Variants in MUC12 observed in about 807,000 individuals in gnomAD.
MUC12 encodes the protein mucin-12.
A neutral mutation model predicts 230.8 loss-of-function variants in MUC12; 172 were observed. The observed-to-expected ratio is 0.75, with a 90% CI of 0.66 to 0.85. The LOEUF (loss-of-function observed/expected upper bound fraction) is 0.85. Ranked by LOEUF, MUC12 falls within the 40% of genes least tolerant of loss-of-function variation. The pLI, the probability that MUC12 is intolerant of heterozygous loss-of-function variation, is 0.00. For missense variants in MUC12, 3,506 were observed against 5,920.6 expected (o/e 0.59, Z 13.38); for synonymous variants, 1,259 against 2,401.9 (o/e 0.52, Z 13.91).
chr7:101,006,555 T>G lies in MUC12; in HGVS notation c.15041T>G (p.Leu5014Arg), dbSNP rs745836506. ...GYVGYQCLSP[L>R]ESFPVETPEK... ...GTTGGTTACCAGTGCTTGTCCCCTC[T>G]GGAATCCTTCCCTGTAGGTAATGAC... is the stretch of plus-strand genomic sequence containing the variant. The change falls in exon 3 of 12, where the codon CTG (leucine) becomes CGG (arginine). Residue 5014 changes from leucine to arginine, a missense_variant. Transcript: ENST00000536621. The G allele has an allele frequency of 6.5e-7, 1 of 1,536,836 alleles. No individual in the cohort carries two copies. The highest frequency in any genetic ancestry group is 1.2e-5 in the South Asian group (1 of 84,048).
At position 100,991,305 on chromosome 7, in the gene MUC12, G is replaced by A. The variant is rs375755133; in HGVS notation, c.742G>A (p.Ala248Thr). The stretch of plus-strand genomic sequence containing the variant: ...CACCACAACCTCAGGCCTCCTTGAA[G>A]CATCTACGCCCGTCCACAGCAGCAC... ...DNTTTSGLLEASTPVHSSTGS... is the reference protein window; with the variant it reads ...DNTTTSGLLETSTPVHSSTGS... The change falls in exon 2 of 12, where the codon GCA (alanine) becomes ACA (threonine). Residue 248 changes from alanine (A) to threonine (T), a missense_variant. Ala to Thr is a moderately conservative substitution (Grantham distance 58). Coordinates refer to ENST00000536621, the MANE Select transcript of MUC12 (RefSeq NM_001164462.2). 1.2e-5 allele frequency: 18 copies of A among 1,537,620 alleles called. No homozygotes were observed. Among genetic ancestry groups the A allele is most frequent in the Non-Finnish European group, 1.6e-5 (18 of 1,147,066 alleles).
chr7:101,004,851 G>A lies in MUC12; in HGVS notation c.14288G>A (p.Ser4763Asn). 6.5e-7 allele frequency: 1 copy of A among 1,537,192 alleles called. No homozygotes were observed. The highest frequency in any genetic ancestry group is 2.0e-5 in the Admixed American group (1 of 50,972). Residue 4763 changes from serine (S) to asparagine (N), a missense_variant, in exon 2 of 12, where the codon AGT (serine) becomes AAT (asparagine). Physicochemically the swap from Ser to Asn is conservative, Grantham distance 46. Transcript: ENST00000536621. ...SPASMTSSSISGEPTSLYSQA... is the reference protein window; with the variant it reads ...SPASMTSSSINGEPTSLYSQA... Reference sequence around the variant, plus strand: ...GCCAGCATGACAAGCTCCAGCATCAGTGGAGAACCCACCAGCTTGTATAGC... The same window carrying A: ...GCCAGCATGACAAGCTCCAGCATCAATGGAGAACCCACCAGCTTGTATAGC...
intron 1 of MUC12, chr7:100,981,289 A>G (rs955828868): frequency 4.1e-6 from 2 of 484,480 alleles, no homozygotes; most frequent in Non-Finnish European, 7.3e-6. Flanking sequence ...TCCTTTGGGG[A>G]CACCGTTGCC....
chr7:100,989,384 G>A (rs1793243990), intron 1 of MUC12, among the ~76,000 whole-genome samples: 1 of 152,138 alleles, frequency 6.6e-6, no homozygotes, highest in African/African-American at 2.4e-5. Flanking sequence ...TAGGATTATA[G>A]GCATGAGCCA....
intron 1 of MUC12, among the ~76,000 whole-genome samples, chr7:100,973,270 G>A (rs558795800): frequency 1.3e-3 from 39 of 31,058 alleles, no homozygotes; most frequent in Non-Finnish European, 2.1e-3. Context: ...GCTGGGGGAC[G>A]TGGAGATAGA....
At chr7:100,982,535 C>T (rs1401343767) in intron 1 of MUC12, among the ~76,000 whole-genome samples, 2 of 151,558 alleles carry the variant, frequency 1.3e-5, no homozygotes, top group Non-Finnish European at 2.9e-5. Context: ...TTCCTGGGCT[C>T]CAGTGATCCT....
rs552636040 is a variant in MUC12, at chr7:100,978,968, C to T, written c.67+9279C>T. Among the ~76,000 whole-genome samples, 25 of 152,240 alleles carry T rather than the reference C, an allele frequency of 1.6e-4. 1 individual carries two copies. In the East Asian group the frequency reaches 4.4e-3, roughly 27 times the overall value. ...GGGACTACAGATGTGCACCACCATGCCCAGCTAATTTTTAAATGTTTGTAC... is the reference window on the plus strand; with the variant it reads ...GGGACTACAGATGTGCACCACCATGTCCAGCTAATTTTTAAATGTTTGTAC... On this transcript the variant is annotated intron_variant, in intron 1 of 11. Coordinates refer to ENST00000536621, the MANE Select transcript of MUC12 (RefSeq NM_001164462.2).
At chr7:100,973,709 A>G (rs1054924971) in intron 1 of MUC12, among the ~76,000 whole-genome samples, 2 of 51,666 alleles carry the variant, frequency 3.9e-5, no homozygotes, top group Non-Finnish European at 8.3e-5. Flanking sequence ...AACCCAGTCA[A>G]TGGTATTTGC....
chr7:101,012,401 T>A lies in MUC12; in HGVS notation c.15357T>A (p.Ile5119=). The A allele has an allele frequency of 6.5e-7, 1 of 1,537,810 alleles. No homozygotes were observed. Among genetic ancestry groups the A allele is most frequent in the South Asian group, 1.2e-5 (1 of 84,058 alleles). The change falls in exon 6 of 12, where the codon ATT becomes ATA. Residue 5119 remains isoleucine, a synonymous_variant. Coordinates refer to ENST00000536621, the MANE Select transcript of MUC12 (RefSeq NM_001164462.2). The part of the protein sequence containing the change: ...ENLAEIVKAK[I]MNETRTTLLD... ...TGGCAGAGATTGTAAAGGCCAAGATTATGAATGAAACTAGAACAACTCTTC... is the reference window on the plus strand; with the variant it reads ...TGGCAGAGATTGTAAAGGCCAAGATAATGAATGAAACTAGAACAACTCTTC...
At position 100,995,424 on chromosome 7, in the gene MUC12, G is replaced by T. The variant is rs77884908; in HGVS notation, c.4861G>T (p.Gly1621Cys). Residue 1621 changes from glycine (G) to cysteine (C), a missense_variant, in exon 2 of 12, where the codon GGC becomes TGC. Gly to Cys is a radical substitution (Grantham distance 159). Coordinates refer to ENST00000536621, the MANE Select transcript of MUC12 (RefSeq NM_001164462.2). ...CTCCACAGACACAACATTGTCCCCT[G>T]GCAGTACCACAGCATCATCCCTTGG... The part of the protein sequence containing the change: ...PGSTDTTLSP[G>C]STTASSLGPE... The T allele has an allele frequency of 3.6e-4, 552 of 1,532,478 alleles. 3 individuals are homozygous for T. Among genetic ancestry groups the T allele is most frequent in the Middle Eastern group, 3.0e-3 (18 of 5,918 alleles). The allele number at this position is 1,532,478 out of a possible 1,614,324, so 94.9% of individuals were successfully genotyped here. A position where few individuals can be genotyped will look rare whatever the true frequency, so the allele number is the denominator to read the frequency against.
rs1179963926 is a variant in MUC12, at chr7:100,995,723, G to C, written c.5160G>C (p.Pro1720=). ...TATCTACAACCTCCCACGGCAGCCCGAGCTCAACTCCAACAACCCACTTTT... is the reference window on the plus strand; with the variant it reads ...TATCTACAACCTCCCACGGCAGCCCCAGCTCAACTCCAACAACCCACTTTT... ...VELSTTSHGS[P]SSTPTTHFSA... The change falls in exon 2 of 12, where the codon CCG becomes CCC. Residue 1720 remains proline (P), a synonymous_variant. Coordinates refer to ENST00000536621, the MANE Select transcript of MUC12 (RefSeq NM_001164462.2). 6.5e-7 allele frequency: 1 copy of C among 1,535,626 alleles called. No homozygotes were observed. Among genetic ancestry groups the C allele is most frequent in the Non-Finnish European group, 8.7e-7 (1 of 1,146,540 alleles).
chr7:100,979,366 G>A (rs1274822677), intron 1 of MUC12, among the ~76,000 whole-genome samples: 1 of 151,978 alleles, frequency 6.6e-6, no homozygotes, highest in African/African-American at 2.4e-5. Flanking sequence ...GTGCCAGCTT[G>A]GAAATTGTTA....
intron 10 of MUC12, chr7:101,017,357 C>T (rs1793947375): frequency 3.8e-6 from 2 of 533,322 alleles, no homozygotes; most frequent in Non-Finnish European, 3.3e-6. Flanking sequence ...GGCTTCTGCT[C>T]CGCTCCCTCC....
chr7:100,972,746 T>C, intron 1 of MUC12: 1 of 644,098 alleles, frequency 1.6e-6, no homozygotes, highest in Admixed American at 2.2e-5. Context: ...CCTCAAGTAA[T>C]CTGCTCAGCT....
chr7:100,994,623 A>G lies in MUC12; in HGVS notation c.4060A>G (p.Thr1354Ala). The G allele has an allele frequency of 6.8e-7, 1 of 1,464,556 alleles. No homozygotes were observed. The highest frequency in any genetic ancestry group is 9.0e-7 in the Non-Finnish European group (1 of 1,110,986). 90.7% of individuals were successfully genotyped at this position (1,464,556 alleles called of 1,614,324 possible). A position where few individuals can be genotyped will look rare whatever the true frequency, so the allele number is the denominator to read the frequency against. Residue 1354 changes from threonine to alanine, a missense_variant, in exon 2 of 12, where the codon ACA becomes GCA. Thr to Ala is a moderately conservative substitution (Grantham distance 58). Transcript: ENST00000536621. ...TTTSDLSQEP[T>A]TSHSSQGSTE... is the part of the protein sequence containing the mutation. ...CACCTCAGACCTCAGTCAGGAACCT[A>G]CAACTTCCCACAGCAGCCAAGGCTC...
At position 100,992,809 on chromosome 7, in the gene MUC12, C is replaced by T. The variant is rs1239933214; in HGVS notation, c.2246C>T (p.Thr749Ile). Residue 749 changes from threonine (T) to isoleucine (I), a missense_variant, in exon 2 of 12, where the codon ACT (threonine) becomes ATT (isoleucine). By Grantham distance (89) the Thr-to-Ile change is moderately conservative. Transcript: ENST00000536621. ...PTSYHSSPGS[T>I]ATTHFPDSST... ...AGCTACCACAGCAGCCCGGGCTCAA[C>T]TGCAACAACACACTTCCCTGACAGC... is the stretch of plus-strand genomic sequence containing the variant. 6.5e-7 allele frequency: 1 copy of T among 1,537,508 alleles called. No individual in the cohort carries two copies. Among genetic ancestry groups the T allele is most frequent in the Non-Finnish European group, 8.7e-7 (1 of 1,146,974 alleles).
Position 100,991,666 on chromosome 7 carries a change from C to A in MUC12, c.1103C>A (p.Thr368Asn), listed in dbSNP as rs1247235895. Residue 368 changes from threonine to asparagine, a missense_variant, in exon 2 of 12, where the codon ACT becomes AAT. Coordinates refer to ENST00000536621, the MANE Select transcript of MUC12 (RefSeq NM_001164462.2). ...STAYHRSPGS[T>N]QTMHFPESST... ...GCCTACCACAGGAGCCCGGGCTCAA[C>A]TCAAACAATGCACTTCCCTGAAAGC... 1.3e-6 allele frequency: 2 copies of A among 1,537,474 alleles called. No homozygotes were observed. The highest frequency in any genetic ancestry group is 1.7e-6 in the Non-Finnish European group (2 of 1,146,754).
chr7:100,991,752 A>T lies in MUC12; in HGVS notation c.1189A>T (p.Lys397Ter). Residue 397 changes from lysine (K) to a stop codon, truncating the protein, a stop_gained, in exon 2 of 12, where the codon AAA becomes TAA. Transcript: ENST00000536621. LOFTEE classifies it high-confidence loss of function. ...TTTCCACGGCAGCACAACACACACA[A>T]AATCTTCAACTCCTAGCACCACAGC... ...ATFHGSTTHT[K>*]SSTPSTTAAL... 6.5e-7 allele frequency: 1 copy of T among 1,537,934 alleles called. No individual in the cohort carries two copies. Among genetic ancestry groups the T allele is most frequent in the South Asian group, 1.2e-5 (1 of 84,060 alleles).
At position 101,014,084 on chromosome 7, in the gene MUC12, T is replaced by C; in HGVS notation, c.15800+10T>C. 6.6e-7 allele frequency: 1 copy of C among 1,526,584 alleles called. No homozygotes were observed. The highest frequency in any genetic ancestry group is 8.8e-7 in the Non-Finnish European group (1 of 1,140,786). The allele number at this position is 1,526,584 out of a possible 1,614,324, so 94.6% of individuals were successfully genotyped here. Reference sequence around the variant, plus strand: ...AGAGAAAACGGCACAGGTGAGCTTGTGAGGCCAGCACCGCAGGCCCACACA... The same window carrying C: ...AGAGAAAACGGCACAGGTGAGCTTGCGAGGCCAGCACCGCAGGCCCACACA... On this transcript the variant is annotated intron_variant, in intron 9 of 11. Coordinates refer to ENST00000536621, the MANE Select transcript of MUC12 (RefSeq NM_001164462.2).
Sources: gnomAD v4.1 joint callset for allele counts (sites outside exome capture counted in the v4.1 genomes callset) on GRCh38, gnomAD v4.1.1 for gene constraint, MANE v1.5 for transcripts, NCBI Gene and HGNC (gene_info 2026-07-23, HGNC 2026-07-21) for gene names.